The following FAT3 variants were observed in gnomAD, a reference collection of about 807,000 sequenced individuals.
The protein encoded by FAT3 is protocadherin Fat 3.
FAT3 carries 95 observed loss-of-function variants against 310.2 expected under a neutral mutation model. The observed-to-expected ratio is 0.31, with a 90% CI of 0.26 to 0.36. The LOEUF is 0.36. Ranked by LOEUF, FAT3 falls within the 10% of genes least tolerant of loss-of-function variation. The pLI is 1.00. For synonymous variants in FAT3, 2,314 were observed against 2,192.9 expected (o/e 1.06, Z -1.54); for missense variants, 5,408 against 5,715.6 (o/e 0.95, Z 1.74).
intron 3 of FAT3, among the ~76,000 whole-genome samples, chr11:92,640,264 T>G (rs1186963033): frequency 6.6e-6 from 1 of 152,044 alleles, no homozygotes; most frequent in Non-Finnish European, 1.5e-5. Flanking sequence ...CAAGCAGCTG[T>G]GGGACAGGAG....
chr11:92,277,705 A>T (rs1174356026), intron 1 of FAT3, among the ~76,000 whole-genome samples: 2 of 151,690 alleles, frequency 1.3e-5, no homozygotes, highest in Non-Finnish European at 2.9e-5. Flanking sequence ...ACTAGAGTGG[A>T]GAGAGAGAGA....
chr11:92,590,655 C>T (rs562013249), intron 3 of FAT3, among the ~76,000 whole-genome samples: 11 of 152,136 alleles, frequency 7.2e-5, no homozygotes, highest in African/African-American at 2.7e-4. Context: ...TTTATTGATT[C>T]ATAGAAAAAT....
chr11:92,463,122 T>C (rs887173194), intron 2 of FAT3, among the ~76,000 whole-genome samples: 2 of 152,212 alleles, frequency 1.3e-5, no homozygotes, highest in Non-Finnish European at 2.9e-5. Flanking sequence ...GAGAAGTTTA[T>C]TTTGCTTTGC....
At chr11:92,519,673 A>G (rs1050959848) in intron 2 of FAT3, among the ~76,000 whole-genome samples, 1 of 152,164 alleles carries the variant, frequency 6.6e-6, no homozygotes, top group African/African-American at 2.4e-5. Context: ...AATTCAAGAA[A>G]ACAACCCAAA....
intron 2 of FAT3, among the ~76,000 whole-genome samples, chr11:92,403,019 A>G (rs569870949): frequency 1.8e-3 from 275 of 152,298 alleles, no homozygotes; most frequent in Non-Finnish European, 2.9e-3. Flanking sequence ...CCACCCAACC[A>G]TGCCTCCTTC....
chr11:92,248,097 T>C (rs1864995381), intron 1 of FAT3, among the ~76,000 whole-genome samples: 1 of 152,154 alleles, frequency 6.6e-6, no homozygotes, highest in Non-Finnish European at 1.5e-5. Context: ...AGAGGATTCA[T>C]CTTTCAAAAG....
intron 21 of FAT3, among the ~76,000 whole-genome samples, chr11:92,862,123 A>G (rs994814527): frequency 1.3e-5 from 2 of 152,220 alleles, no homozygotes; most frequent in Non-Finnish European, 2.9e-5. Context: ...ATTAAGATGA[A>G]AATACAAGGT....
intron 4 of FAT3, among the ~76,000 whole-genome samples, chr11:92,725,230 A>G (rs192348544): frequency 7.7e-4 from 118 of 152,302 alleles, no homozygotes; most frequent in South Asian, 4.8e-3. Flanking sequence ...TTCCCAAGAA[A>G]TGGGCCTCTT....
chr11:92,422,643 G>A (rs1950555191), intron 2 of FAT3, among the ~76,000 whole-genome samples: 1 of 152,146 alleles, frequency 6.6e-6, no homozygotes, highest in Admixed American at 6.5e-5. Flanking sequence ...GGGTGTATAA[G>A]TGTCTATAAA....
intron 3 of FAT3, among the ~76,000 whole-genome samples, chr11:92,591,677 C>G (rs1337419389): frequency 6.6e-6 from 1 of 152,088 alleles, no homozygotes; most frequent in Non-Finnish European, 1.5e-5. Context: ...ATAAGCATAC[C>G]AGCTATTTTA....
chr11:92,692,968 A>G (rs1238451547), intron 3 of FAT3, among the ~76,000 whole-genome samples: 1 of 152,214 alleles, frequency 6.6e-6, no homozygotes, highest in African/African-American at 2.4e-5. Context: ...AAAAGAAGTC[A>G]TCCTTACAAG....
intron 3 of FAT3, among the ~76,000 whole-genome samples, chr11:92,583,843 G>A (rs773814384): frequency 2.2e-4 from 33 of 148,534 alleles, no homozygotes; most frequent in East Asian, 7.8e-4. Context: ...GACTCTACTC[G>A]CCTGCAGAAT....
chr11:92,824,588 G>A (rs1948056100), intron 13 of FAT3, among the ~76,000 whole-genome samples: 1 of 152,034 alleles, frequency 6.6e-6, no homozygotes, highest in South Asian at 2.1e-4. Flanking sequence ...AATAAATTGA[G>A]TATTTGATTG....
In FAT3 at chr11:92,726,336, G is replaced by A. The variant is rs115775620; in HGVS notation, c.3669+28891G>A. ...TATTATATGTTTAATATTCAGAAAAGCATATTTATAGTCAACAGTTGCAAT... is the reference window on the plus strand; with the variant it reads ...TATTATATGTTTAATATTCAGAAAAACATATTTATAGTCAACAGTTGCAAT... On this transcript the variant is annotated intron_variant, in intron 4 of 27. Coordinates refer to ENST00000525166, the MANE Select transcript of FAT3 (RefSeq NM_001367949.2). Among the ~76,000 whole-genome samples, 313 of 152,100 alleles carry A rather than the reference G, an allele frequency of 2.1e-3. 3 individuals are homozygous for A. The highest frequency in any genetic ancestry group is 7.3e-3 in the African/African-American group (302 of 41,518).
intron 3 of FAT3, among the ~76,000 whole-genome samples, chr11:92,610,359 G>A (rs1591517661): frequency 2.0e-5 from 3 of 152,010 alleles, no homozygotes; most frequent in Admixed American, 2.0e-4. Flanking sequence ...TTCTACACAG[G>A]CCTTCAAACA....
At chr11:92,794,203 A>G (rs1246208440) in intron 9 of FAT3, among the ~76,000 whole-genome samples, 2 of 152,114 alleles carry the variant, frequency 1.3e-5, no homozygotes, top group Non-Finnish European at 2.9e-5. Context: ...TTATTACTTA[A>G]TTATATAATC....
intron 13 of FAT3, among the ~76,000 whole-genome samples, chr11:92,820,780 T>G (rs1947946438): frequency 6.6e-6 from 1 of 152,222 alleles, no homozygotes; most frequent in Non-Finnish European, 1.5e-5. Flanking sequence ...ATATTTGTTT[T>G]GTTATGCTGT....
At chr11:92,410,781 C>T (rs1950239611) in intron 2 of FAT3, among the ~76,000 whole-genome samples, 1 of 152,022 alleles carries the variant, frequency 6.6e-6, no homozygotes, top group African/African-American at 2.4e-5. Context: ...CCTGGCCTCC[C>T]TGCCAGAACC....
chr11:92,878,528 C>T (rs950278869), intron 22 of FAT3, among the ~76,000 whole-genome samples: 9 of 147,000 alleles, frequency 6.1e-5, no homozygotes, highest in African/African-American at 1.0e-4. Flanking sequence ...AGAAAAGCAA[C>T]TTGGAAAAAA....
Sources: allele counts gnomAD v4.1 joint callset (sites outside exome capture counted in the v4.1 genomes callset), GRCh38; gene constraint gnomAD v4.1.1; transcripts MANE v1.5; gene names NCBI Gene and HGNC (gene_info 2026-07-23, HGNC 2026-07-21).